RIF1: variants seen among roughly 807,000 people sequenced by gnomAD.
RIF1 encodes the protein telomere-associated protein RIF1.
RIF1 carries 45 observed loss-of-function variants against 247.1 expected under a neutral mutation model. The ratio of observed to expected loss-of-function variants is 0.18; its 90% CI spans 0.14 to 0.23. The LOEUF (loss-of-function observed/expected upper bound fraction) is 0.23. Among genes scored for constraint, RIF1 ranks in the 10% least tolerant of loss-of-function variants. The pLI is 1.00. For synonymous variants in RIF1, 1,087 were observed against 978.8 expected, an observed-to-expected ratio of 1.11 and a Z score of -2.06; for missense variants, 2,967 against 2,862.5, an observed-to-expected ratio of 1.04 and a Z score of -0.83.
rs1559014512 is a variant in RIF1 at position 151,463,698 on chromosome 2, TATC to T, written c.4180_4182del (p.Ser1394del). The T allele has an allele frequency of 6.2e-7, 1 of 1,613,926 alleles. No homozygotes were observed. Among genetic ancestry groups the T allele is most frequent in the Non-Finnish European group, 8.5e-7 (1 of 1,179,922 alleles). On this transcript the variant is annotated inframe_deletion, in exon 30 of 36. Coordinates refer to ENST00000444746, the MANE Select transcript of RIF1 (RefSeq NM_018151.5). ...AAAGAGAATACACCCCCAGTAGTAA[TATC>T]AGCAGATCAAATGGTAAATGAGGAT...
At chr2:151,435,843 A>T (rs1039627008) in intron 11 of RIF1, among the ~76,000 whole-genome samples, 1 of 151,488 alleles carries the variant, frequency 6.6e-6, no homozygotes, top group Non-Finnish European at 1.5e-5. Flanking sequence ...TTTTTTCAGT[A>T]CATTATGTGA....
downstream of RIF1, chr2:151,485,882 A>C (rs1213717556): frequency 6.2e-7 from 1 of 1,613,960 alleles, no homozygotes; most frequent in East Asian, 2.2e-5. Context: ...TCCTTGAAGG[A>C]CACCTCATCT....
rs751925630 is a variant in RIF1, at chr2:151,463,533, T to C, written c.4013T>C (p.Val1338Ala). 2 of 1,613,914 alleles carry C rather than the reference T, an allele frequency of 1.2e-6. No individual in the cohort carries two copies. The highest frequency in any genetic ancestry group is 2.7e-5 in the African/African-American group (2 of 74,922). The part of the protein sequence containing the change: ...PPGLLNQTEC[V>A]SDNQVHLSES... ...GGTTTGCTTAATCAAACAGAATGTG[T>C]GTCAGATAATCAGGTTCATCTTTCT... Residue 1338 changes from valine (V) to alanine (A), a missense_variant, in exon 30 of 36, where the codon GTG (valine) becomes GCG (alanine). Val to Ala is a moderately conservative substitution (Grantham distance 64, BLOSUM62 0). Around this residue, in one of 7 missense-constraint regions of RIF1, gnomAD observed 2,028 missense variants for 1,825.6 expected, o/e 1.11. Transcript: ENST00000444746.
At position 151,441,783 on chromosome 2, in the gene RIF1, G is replaced by A. The variant is rs550916146; in HGVS notation, c.1648-122G>A. The A allele has an allele frequency of 4.5e-4, 217 of 481,122 alleles. 2 individuals carry two copies. The highest frequency in any genetic ancestry group is 4.2e-3 in the African/African-American group (203 of 48,078). 29.8% of individuals were successfully genotyped at this position (481,122 alleles called of 1,614,324 possible). A position where few individuals can be genotyped will look rare whatever the true frequency, so the allele number is the denominator to read the frequency against. On this transcript the variant is annotated intron_variant, in intron 15 of 35. Transcript: ENST00000444746. The stretch of plus-strand genomic sequence containing the variant: ...GTATTTGATCTTTTTTAACTAATGA[G>A]ATTATATTTACGTTAATGAATGAAC...
At chr2:151,427,416 G>A (rs1307087723) in intron 8 of RIF1, among the ~76,000 whole-genome samples, 1 of 151,418 alleles carries the variant, frequency 6.6e-6, no homozygotes, top group Non-Finnish European at 1.5e-5. Context: ...TCTCCATATT[G>A]GTCAGGCTGG....
intron 8 of RIF1, among the ~76,000 whole-genome samples, chr2:151,426,970 G>A (rs1331700436): frequency 6.6e-6 from 1 of 151,840 alleles, no homozygotes. Context: ...TCTTTCAGCA[G>A]TGCTTCATAA....
chr2:151,430,345 G>A (rs937085457), intron 9 of RIF1, among the ~76,000 whole-genome samples: 1 of 150,734 alleles, frequency 6.6e-6, no homozygotes, highest in African/African-American at 2.4e-5. Flanking sequence ...TGTTTGAGAT[G>A]GAGTCTCACT....
intron 9 of RIF1, among the ~76,000 whole-genome samples, chr2:151,487,523 A>C (rs2051865161): frequency 6.6e-6 from 1 of 152,176 alleles, no homozygotes; most frequent in African/African-American, 2.4e-5. Flanking sequence ...AAGTCTTTCC[A>C]TGTAAATATA....
rs186706637 is a variant in RIF1, at chr2:151,467,113, C to A, written c.6601-887C>A. ...GCCTGGTGGCGCACACCTGTAGTTACAGCTACTCAGGAGGCTGAGGCAGGA... is the reference window on the plus strand; with the variant it reads ...GCCTGGTGGCGCACACCTGTAGTTAAAGCTACTCAGGAGGCTGAGGCAGGA... On this transcript the variant is annotated intron_variant, in intron 30 of 35. Coordinates refer to ENST00000444746, the MANE Select transcript of RIF1 (RefSeq NM_018151.5). 3.3e-3 allele frequency among the ~76,000 whole-genome samples: 507 copies of A among 152,140 alleles called. 3 individuals are homozygous for A. The highest frequency in any genetic ancestry group is 0.029 in the South Asian group (140 of 4,822).
At position 151,464,095 on chromosome 2, in the gene RIF1, C is replaced by T. The variant is rs1696575453; in HGVS notation, c.4575C>T (p.Ser1525=). 6.2e-7 allele frequency: 1 copy of T among 1,612,822 alleles called. No individual in the cohort carries two copies. Among genetic ancestry groups the T allele is most frequent in the South Asian group, 1.1e-5 (1 of 90,784 alleles). Residue 1525 remains serine, a synonymous_variant, in exon 30 of 36, where the codon TCC becomes TCT. Transcript: ENST00000444746. ...GTACCCAGGACATTGTAGATAAGTCCTCTGAGAAACTAGTCAGAGGCCGAA... is the reference window on the plus strand; with the variant it reads ...GTACCCAGGACATTGTAGATAAGTCTTCTGAGAAACTAGTCAGAGGCCGAA... ...GDGTQDIVDK[S]SEKLVRGRTR...
the RIF1 span, among the ~76,000 whole-genome samples, chr2:151,521,202 CA>C: frequency 6.6e-6 from 1 of 152,164 alleles, no homozygotes; most frequent in Non-Finnish European, 1.5e-5. Flanking sequence ...CACAAAATAA[CA>C]ATGAAATCTG....
At chr2:151,411,463 C>G (rs1199617127) in intron 3 of RIF1, 125 bp downstream of exon 3, 1 of 592,484 alleles carries the variant, frequency 1.7e-6, no homozygotes, top group East Asian at 3.0e-5. Context: ...ATGGCTCAGG[C>G]TCGGGCTCGG....
chr2:151,522,068 A>G, the RIF1 span, among the ~76,000 whole-genome samples: 24 of 152,336 alleles, frequency 1.6e-4, 1 homozygote, highest in South Asian at 4.8e-3. Flanking sequence ...TGTCTCGGCA[A>G]GTGGCAGCCC....
intron 27 of RIF1, 149 bp downstream of exon 27, chr2:151,461,438 C>T: frequency 1.4e-6 from 1 of 713,064 alleles, no homozygotes. Context: ...GTTGCCCAGG[C>T]TGGAGTGCAG....
chr2:151,497,681 A>G (rs1559218052), intron 10 of RIF1: 2 of 1,585,234 alleles, frequency 1.3e-6, no homozygotes, highest in Non-Finnish European at 1.7e-6. Flanking sequence ...AGTGACAGGT[A>G]AAGGGGTTCC....
chr2:151,497,980 T>TAAAC (rs1238875484), intron 10 of RIF1: 23 of 1,436,322 alleles, frequency 1.6e-5, no homozygotes, highest in East Asian at 1.5e-4. Flanking sequence ...CGGTGCCTCC[T>TAAAC]AAACAATCAC....
At chr2:151,415,105 T>G (rs1174985914) in intron 4 of RIF1, among the ~76,000 whole-genome samples, 186 bp downstream of exon 4, 2 of 151,910 alleles carry the variant, frequency 1.3e-5, no homozygotes, top group African/African-American at 4.8e-5. Context: ...CCTAGCACTT[T>G]GGGAGGCCGA....
At chr2:151,531,129 C>T in the RIF1 span, 2 of 1,407,672 alleles carry the variant, frequency 1.4e-6, no homozygotes, top group Non-Finnish European at 2.0e-6. Flanking sequence ...AGAAAGACAT[C>T]ATGTCATGCT....
In RIF1 at chr2:151,437,343, A is replaced by T; in HGVS notation, c.1475A>T (p.Asp492Val). Residue 492 changes from aspartate to valine, a missense_variant, in exon 13 of 36, where the codon GAT becomes GTT. This residue lies in a region of RIF1 where 369 missense variants were observed against 322.0 expected (regional missense o/e 1.15). Transcript: ENST00000444746. ...VHDSFVAVGKDAPDVVVSAIW... is the reference protein window; with the variant it reads ...VHDSFVAVGKVAPDVVVSAIW... ...GATAGCTTTGTTGCAGTTGGAAAAG[A>T]TGCCCCCGGTAAGAGAATTTGATTT... 1.9e-6 allele frequency: 3 copies of T among 1,607,554 alleles called. No individual in the cohort carries two copies. The highest frequency in any genetic ancestry group is 2.6e-6 in the Non-Finnish European group (3 of 1,174,328).
Sources: gnomAD v4.1 joint callset for allele counts (sites outside exome capture counted in the v4.1 genomes callset) on GRCh38, gnomAD v4.1.1 for gene constraint, gnomAD v4.1.1 regional missense constraint, MANE v1.5 for transcripts, NCBI Gene and HGNC (gene_info 2026-07-23, HGNC 2026-07-21) for gene names.